SETD7: variants seen among roughly 807,000 people sequenced by gnomAD.
SETD7 encodes the protein histone-lysine N-methyltransferase SETD7.
SETD7 carries 16 observed loss-of-function variants against 41.8 expected under a neutral mutation model. The ratio of observed to expected loss-of-function variants is 0.38; its 90% CI spans 0.26 to 0.58. The LOEUF is 0.58. Among genes scored for constraint, SETD7 ranks in the 20% least tolerant of loss-of-function variants. SETD7 has a pLI of 0.64. For synonymous variants in SETD7, 163 were observed against 169.7 expected (o/e 0.96, Z 0.31); for missense variants, 346 against 459.7 (o/e 0.75, Z 2.26).
At chr4:139,520,870 T>G (rs902461641) in intron 5 of SETD7, among the ~76,000 whole-genome samples, 2 of 152,194 alleles carry the variant, frequency 1.3e-5, no homozygotes, top group Admixed American at 6.5e-5. Context: ...ATAAGATATA[T>G]CCAATAAGCA....
At chr4:139,552,484 C>T (rs1446154133) in intron 1 of SETD7, among the ~76,000 whole-genome samples, 1 of 152,168 alleles carries the variant, frequency 6.6e-6, no homozygotes, top group Non-Finnish European at 1.5e-5. Flanking sequence ...CTCTGACTGT[C>T]CTGCTGGCCA....
Position 139,511,848 on chromosome 4 carries a change from A to G in SETD7, c.921-5T>C. ...CCAAAACGGGGGTGGACAAACCTAA[A>G]CATCAAGATGCACACAGTCATTCCC... On this transcript the variant is annotated splice_polypyrimidine_tract_variant and splice_region_variant and intron_variant, in intron 7 of 7. Transcript: ENST00000274031. 6.2e-7 allele frequency: 1 copy of G among 1,608,902 alleles called. No individual in the cohort carries two copies.
At chr4:139,501,276 C>A (rs1261434800), downstream of SETD7, among the ~76,000 whole-genome samples, 1 of 152,124 alleles carries the variant, frequency 6.6e-6, no homozygotes, top group African/African-American at 2.4e-5. Context: ...TTAAGAAATT[C>A]GTGCTGAACT....
chr4:139,556,053 AGGCCCTCTGCGCCTCCTCCCC>A, intron 1 of SETD7, 24 bp downstream of exon 1: 1 of 1,556,776 alleles, frequency 6.4e-7, no homozygotes, highest in African/African-American at 1.4e-5. Context: ...TCCGCGCTCC[AGGCCCTCTGCGCCTCCTCCCC>A]CGGCCCCGGA....
At chr4:139,535,554 C>A (rs1207889839) in intron 2 of SETD7, among the ~76,000 whole-genome samples, 1 of 152,130 alleles carries the variant, frequency 6.6e-6, no homozygotes, top group East Asian at 1.9e-4. Context: ...GCAAATCAGA[C>A]AAAAAATAAT....
chr4:139,533,939 G>A (rs1380067005), intron 2 of SETD7, among the ~76,000 whole-genome samples: 3 of 151,900 alleles, frequency 2.0e-5, no homozygotes, highest in Non-Finnish European at 2.9e-5. Flanking sequence ...AGACATATGG[G>A]GATTTATTTA....
chr4:139,533,880 T>C (rs1252546473), intron 2 of SETD7, among the ~76,000 whole-genome samples: 1 of 152,246 alleles, frequency 6.6e-6, no homozygotes, highest in Admixed American at 6.5e-5. Flanking sequence ...TTATCATTAA[T>C]AGCCGTAATT....
At position 139,506,243 on chromosome 4, in the gene SETD7, AT is replaced by A. The variant is rs1726697974; in HGVS notation, c.*5419del. On this transcript the variant is annotated 3_prime_UTR_variant, in exon 8 of 8. Coordinates refer to ENST00000274031, the MANE Select transcript of SETD7 (RefSeq NM_030648.4). ...TTATTCATGTAAACATCTTTCATTA[AT>A]TTCCCATAATTTAAAAAAATCATAG... 6.5e-6 allele frequency: 1 copy of A among 152,766 alleles called. No individual in the cohort carries two copies. The highest frequency in any genetic ancestry group is 1.9e-4 in the East Asian group (1 of 5,186). 9.5% of individuals were successfully genotyped at this position (152,766 alleles called of 1,614,324 possible).
intron 5 of SETD7, among the ~76,000 whole-genome samples, chr4:139,522,321 T>C (rs567267249): frequency 4.6e-5 from 7 of 152,266 alleles, no homozygotes; most frequent in East Asian, 1.9e-4. Flanking sequence ...CGCTTATTCA[T>C]AAACAGATCT....
intron 4 of SETD7, among the ~76,000 whole-genome samples, chr4:139,527,934 C>T (rs1438274949): frequency 6.6e-6 from 1 of 152,200 alleles, no homozygotes; most frequent in East Asian, 1.9e-4. Context: ...AAAATTTCCA[C>T]TTTTGGACAA....
At chr4:139,536,907 G>A (rs1223379974) in intron 2 of SETD7, among the ~76,000 whole-genome samples, 3 of 152,188 alleles carry the variant, frequency 2.0e-5, no homozygotes, top group African/African-American at 7.2e-5. Flanking sequence ...AAAGGCTGAG[G>A]CACGAGAATT....
chr4:139,542,940 T>C (rs75529757), intron 2 of SETD7, among the ~76,000 whole-genome samples: 2,661 of 152,332 alleles, frequency 0.017, 74 homozygotes, highest in African/African-American at 0.061. Flanking sequence ...TCAGTTTTCA[T>C]ATAAAATTAG....
At position 139,507,321 on chromosome 4, in the gene SETD7, C is replaced by T. The variant is rs1726731205; in HGVS notation, c.*4342G>A. On this transcript the variant is annotated 3_prime_UTR_variant, in exon 8 of 8. Transcript: ENST00000274031. The stretch of plus-strand genomic sequence containing the variant: ...AAGGTGAACACACCTCCATTAGCAC[C>T]TAACTTCCACCAGGAAGCGGCTGAG... The T allele has an allele frequency of 6.6e-6, 1 of 152,586 alleles. No individual in the cohort carries two copies. The highest frequency in any genetic ancestry group is 1.5e-5 in the Non-Finnish European group (1 of 68,058). The allele number at this position is 152,586 out of a possible 1,614,324, so 9.5% of individuals were successfully genotyped here. A position where few individuals can be genotyped will look rare whatever the true frequency, so the allele number is the denominator to read the frequency against.
chr4:139,549,144 A>G (rs1239638735), intron 1 of SETD7, among the ~76,000 whole-genome samples: 1 of 152,248 alleles, frequency 6.6e-6, no homozygotes, highest in Non-Finnish European at 1.5e-5. Context: ...TTAATATCCA[A>G]ATAATCAGTT....
chr4:139,523,892 G>A (rs905043579), intron 4 of SETD7, among the ~76,000 whole-genome samples: 2 of 152,180 alleles, frequency 1.3e-5, no homozygotes, highest in South Asian at 2.1e-4. Context: ...CAGAATTAAG[G>A]AGAACAGCAC....
chr4:139,524,866 G>C (rs1727282051), intron 4 of SETD7, among the ~76,000 whole-genome samples: 1 of 152,136 alleles, frequency 6.6e-6, no homozygotes, highest in African/African-American at 2.4e-5. Context: ...ACTCAGGCTG[G>C]AGAGCAATGG....
intron 3 of SETD7, chr4:139,532,932 T>G: frequency 5.2e-6 from 3 of 581,604 alleles, no homozygotes; most frequent in Non-Finnish European, 9.1e-6. Context: ...TCATGATTAA[T>G]TACTCCTTTC....
rs56306311 is a variant in SETD7 at position 139,544,290 on chromosome 4, C to CTAAAATAAAATAAAATAAAA, written c.170+2610_170+2629dup. Among the ~76,000 whole-genome samples, 915 of 136,168 alleles carry CTAAAATAAAATAAAATAAAA rather than the reference C, an allele frequency of 6.7e-3. 5 individuals carry two copies. The highest frequency in any genetic ancestry group is 9.9e-3 in the Non-Finnish European group (636 of 64,370). 89.3% of individuals were successfully genotyped at this position (136,168 alleles called of 152,430 possible). A position where few individuals can be genotyped will look rare whatever the true frequency, so the allele number is the denominator to read the frequency against. ...CCTGGGCAACGGAGTGAGAACCCAT[C>CTAAAATAAAATAAAATAAAA]TAAAATAAAATAAAATAAAATAAAA... On this transcript the variant is annotated intron_variant, in intron 2 of 7. Transcript: ENST00000274031.
intron 1 of SETD7, among the ~76,000 whole-genome samples, chr4:139,553,509 A>G (rs1451365340): frequency 6.6e-6 from 1 of 152,230 alleles, no homozygotes; most frequent in Non-Finnish European, 1.5e-5. Flanking sequence ...AAATGTAGGA[A>G]GACAGTTTGG....
Sources: gnomAD v4.1 joint callset for allele counts (sites outside exome capture counted in the v4.1 genomes callset) on GRCh38, gnomAD v4.1.1 for gene constraint, MANE v1.5 for transcripts, NCBI Gene and HGNC (gene_info 2026-07-23, HGNC 2026-07-21) for gene names.